The following PTPRD variants were observed in gnomAD, a reference collection of about 807,000 sequenced individuals.
The protein encoded by PTPRD is receptor-type tyrosine-protein phosphatase delta.
Under a neutral mutation model 214.5 loss-of-function variants are expected in PTPRD, and 34 were observed. The ratio of observed to expected loss-of-function variants is 0.16; its 90% CI spans 0.12 to 0.21. The LOEUF is 0.21. Among genes scored for constraint, PTPRD ranks in the 10% least tolerant of loss-of-function variants. The probability of loss-of-function intolerance (pLI) is 1.00; values close to 1 mark genes in which losing one functional copy is unlikely to be tolerated. For synonymous variants in PTPRD, 1,128 were observed against 845.7 expected (o/e 1.33, Z -5.79); for missense variants, 2,545 against 2,398.7 (o/e 1.06, Z -1.27).
chr9:8,726,784 G>T (rs1376575892), intron 12 of PTPRD, among the ~76,000 whole-genome samples: 3 of 120,136 alleles, frequency 2.5e-5, no homozygotes, highest in Non-Finnish European at 3.4e-5. Context: ...CTCGGTGACA[G>T]AGTGAGACTC....
At chr9:10,159,803 C>T (rs1175822751) in intron 3 of PTPRD, among the ~76,000 whole-genome samples, 1 of 150,638 alleles carries the variant, frequency 6.6e-6, no homozygotes, top group African/African-American at 2.4e-5. Context: ...TTTGAAAATA[C>T]ACAGCTAGAG....
intron 8 of PTPRD, among the ~76,000 whole-genome samples, chr9:9,410,875 C>T (rs1032124961): frequency 2.0e-5 from 3 of 152,162 alleles, no homozygotes; most frequent in African/African-American, 7.2e-5. Context: ...TCTGCGACCA[C>T]GGTTGTGCTA....
At chr9:9,173,686 T>C (rs904922433) in intron 10 of PTPRD, among the ~76,000 whole-genome samples, 1 of 152,070 alleles carries the variant, frequency 6.6e-6, no homozygotes, top group African/African-American at 2.4e-5. Flanking sequence ...AAAGTAAAAA[T>C]ATGCTAGTAT....
At chr9:10,150,658 T>TA (rs376291904) in intron 3 of PTPRD, among the ~76,000 whole-genome samples, 2,744 of 111,424 alleles carry the variant, frequency 0.025, 80 homozygotes, top group African/African-American at 0.079. Flanking sequence ...TAAAGTAAAA[T>TA]AAAAAAAAAA....
At chr9:9,919,623 G>A (rs1028867353) in intron 5 of PTPRD, among the ~76,000 whole-genome samples, 7 of 152,126 alleles carry the variant, frequency 4.6e-5, no homozygotes, top group African/African-American at 9.7e-5. Flanking sequence ...AGATGGAAAT[G>A]GAAATTACAG....
intron 6 of PTPRD, among the ~76,000 whole-genome samples, chr9:9,743,218 T>A (rs1019751047): frequency 2.0e-5 from 3 of 152,174 alleles, no homozygotes; most frequent in Admixed American, 6.5e-5. Context: ...TATATAAATG[T>A]AAAGTCACAT....
intron 3 of PTPRD, among the ~76,000 whole-genome samples, chr9:10,229,246 T>A (rs570008067): frequency 1.3e-5 from 2 of 152,060 alleles, no homozygotes; most frequent in Admixed American, 1.3e-4. Flanking sequence ...ACTTTTACAC[T>A]GTTGGCGGGA....
At chr9:9,133,472 T>TAGG (rs2099845963) in intron 10 of PTPRD, among the ~76,000 whole-genome samples, 1 of 152,154 alleles carries the variant, frequency 6.6e-6, no homozygotes, top group African/African-American at 2.4e-5. Flanking sequence ...AATTAAGAAT[T>TAGG]AGAGTGTATA....
chr9:9,019,309 A>AAAGGAAGG (rs56673470), intron 10 of PTPRD, among the ~76,000 whole-genome samples: 3 of 107,798 alleles, frequency 2.8e-5, no homozygotes, highest in African/African-American at 7.7e-5. Flanking sequence ...AGAAAGAAAG[A>AAAGGAAGG]AAGAAAGAAA....
At chr9:9,029,360 GC>G (rs892298982) in intron 10 of PTPRD, among the ~76,000 whole-genome samples, 19 of 151,866 alleles carry the variant, frequency 1.3e-4, no homozygotes, top group African/African-American at 4.6e-4. Context: ...GTTAGGAGGG[GC>G]TAGAGATTAG....
intron 14 of PTPRD, among the ~76,000 whole-genome samples, chr9:8,592,557 A>G (rs529084247): frequency 6.6e-6 from 1 of 152,204 alleles, no homozygotes; most frequent in Non-Finnish European, 1.5e-5. Context: ...AAAGGCATTC[A>G]CACTTGAGAT....
chr9:10,527,636 G>C (rs941631607), intron 2 of PTPRD, among the ~76,000 whole-genome samples: 1 of 152,056 alleles, frequency 6.6e-6, no homozygotes, highest in African/African-American at 2.4e-5. Context: ...AGGTTAATTT[G>C]AGAATTTCCC....
At chr9:9,924,046 AG>A (rs1325713234) in intron 5 of PTPRD, among the ~76,000 whole-genome samples, 1 of 152,048 alleles carries the variant, frequency 6.6e-6, no homozygotes, top group East Asian at 1.9e-4. Flanking sequence ...TATAAACTTC[AG>A]GAAAAATAAA....
intron 14 of PTPRD, among the ~76,000 whole-genome samples, chr9:8,535,843 T>G (rs1011986469): frequency 6.6e-6 from 1 of 151,978 alleles, no homozygotes; most frequent in African/African-American, 2.4e-5. Flanking sequence ...CCATTAATTG[T>G]TCAGCTCTGG....
intron 11 of PTPRD, among the ~76,000 whole-genome samples, chr9:8,845,672 GA>G (rs2097678794): frequency 6.6e-6 from 1 of 152,182 alleles, no homozygotes; most frequent in African/African-American, 2.4e-5. Flanking sequence ...CTGGGTTTCA[GA>G]AAATGTCCAC....
rs367952160 is a variant in PTPRD, at chr9:8,804,164, T to C, written c.-103-70218A>G. On this transcript the variant is annotated intron_variant, in intron 11 of 45. Transcript: ENST00000381196. ...GACAGGGTTTCGCTATGTTGGTCCG[T>C]CTGGTCTCGAACTCCTGACCTCAAG... 2.6e-5 allele frequency among the ~76,000 whole-genome samples: 4 copies of C among 152,146 alleles called. No homozygotes were observed. The East Asian group carries it at 5.8e-4, about 22-fold the overall frequency.
intron 36 of PTPRD, among the ~76,000 whole-genome samples, chr9:8,391,064 T>C (rs1355473671): frequency 1.3e-5 from 2 of 148,478 alleles, no homozygotes; most frequent in Non-Finnish European, 3.0e-5. Flanking sequence ...CAGCATGATA[T>C]GGGAAGGTAC....
intron 8 of PTPRD, among the ~76,000 whole-genome samples, chr9:9,450,603 T>C (rs2091871943): frequency 6.6e-6 from 1 of 151,930 alleles, no homozygotes; most frequent in Non-Finnish European, 1.5e-5. Context: ...GATATGAATA[T>C]TCTGATTCAG....
chr9:9,564,135 A>G (rs1188576919), intron 8 of PTPRD, among the ~76,000 whole-genome samples: 1 of 152,132 alleles, frequency 6.6e-6, no homozygotes, highest in Non-Finnish European at 1.5e-5. Flanking sequence ...TATGTCAGCC[A>G]AAGAGGCTAT....
Sources: gnomAD v4.1 joint callset for allele counts (sites outside exome capture counted in the v4.1 genomes callset) on GRCh38, gnomAD v4.1.1 for gene constraint, MANE v1.5 for transcripts, NCBI Gene and HGNC (gene_info 2026-07-23, HGNC 2026-07-21) for gene names.